Variants in MARCHF10 observed in about 807,000 individuals in gnomAD.
The protein encoded by MARCHF10 is probable E3 ubiquitin-protein ligase MARCHF10.
Under a neutral mutation model 76.2 loss-of-function variants are expected in MARCHF10, and 64 were observed. That is an observed-to-expected ratio of 0.84 (90% CI 0.69 to 1.03). The LOEUF (loss-of-function observed/expected upper bound fraction) is 1.03. MARCHF10 is among the 50% of genes least tolerant of loss of function. The pLI, the probability that MARCHF10 is intolerant of heterozygous loss-of-function variation, is 0.00. For missense variants in MARCHF10, 875 were observed against 958.0 expected, an observed-to-expected ratio of 0.91 and a Z score of 1.14; for synonymous variants, 340 against 357.5, an observed-to-expected ratio of 0.95 and a Z score of 0.55.
At chr17:62,798,934 T>C (rs1203385960) in intron 2 of MARCHF10, among the ~76,000 whole-genome samples, 1 of 152,092 alleles carries the variant, frequency 6.6e-6, no homozygotes, top group Non-Finnish European at 1.5e-5. Flanking sequence ...CTCCAAGATG[T>C]GGGGACTAGA....
chr17:62,799,585 T>G (rs899064178), intron 2 of MARCHF10, among the ~76,000 whole-genome samples: 7 of 152,026 alleles, frequency 4.6e-5, no homozygotes, highest in Admixed American at 6.6e-5. Context: ...CCGTCTCTAC[T>G]AAAAATACAA....
At chr17:62,757,261 G>C (rs906762258) in intron 4 of MARCHF10, among the ~76,000 whole-genome samples, 2 of 152,132 alleles carry the variant, frequency 1.3e-5, no homozygotes, top group East Asian at 3.9e-4. Context: ...AGAATCTCAG[G>C]TCTGACATGG....
chr17:62,749,382 GC>G (rs2091819900), intron 4 of MARCHF10, among the ~76,000 whole-genome samples: 1 of 152,056 alleles, frequency 6.6e-6, no homozygotes, highest in Non-Finnish European at 1.5e-5. Context: ...CCCTTATCCC[GC>G]CCCACATTAC....
intron 3 of MARCHF10, among the ~76,000 whole-genome samples, chr17:62,761,990 G>T (rs2092216007): frequency 6.6e-6 from 1 of 152,142 alleles, no homozygotes; most frequent in African/African-American, 2.4e-5. Flanking sequence ...CAGCAGAAAG[G>T]CAGGAAAAAT....
At position 62,711,434 on chromosome 17, in the gene MARCHF10, C is replaced by A; in HGVS notation, c.2215-90G>T. 1 of 1,247,946 alleles carries A rather than the reference C, an allele frequency of 8.0e-7. No individual in the cohort carries two copies. Among genetic ancestry groups the A allele is most frequent in the Non-Finnish European group, 1.1e-6 (1 of 874,042 alleles). 77.3% of individuals were successfully genotyped at this position (1,247,946 alleles called of 1,614,324 possible). A position where few individuals can be genotyped will look rare whatever the true frequency, so the allele number is the denominator to read the frequency against. On this transcript the variant is annotated intron_variant, in intron 8 of 10. Coordinates refer to ENST00000311269, the MANE Select transcript of MARCHF10 (RefSeq NM_152598.4). This position sits in a 1 kb window ranked among gnomAD's most constrained non-coding sequence, Gnocchi z 4.4. ...GCAGGGTAACAAGGCTAAGAGGTGA[C>A]AAGAACTGGGAGAAGAGCCCAAGCT...
intron 3 of MARCHF10, among the ~76,000 whole-genome samples, chr17:62,775,219 G>A (rs74623116): frequency 1.3e-5 from 2 of 148,968 alleles, no homozygotes; most frequent in Non-Finnish European, 3.0e-5. Flanking sequence ...TCTGCCTCTC[G>A]GGTTCAGGCA....
At chr17:62,787,507 T>A (rs951300069) in intron 3 of MARCHF10, among the ~76,000 whole-genome samples, 3 of 152,234 alleles carry the variant, frequency 2.0e-5, no homozygotes, top group Non-Finnish European at 4.4e-5. Context: ...TTCACCATGC[T>A]AACAGTCAGT....
At chr17:62,703,604 G>A (rs1568082922) in intron 10 of MARCHF10, among the ~76,000 whole-genome samples, 2 of 152,380 alleles carry the variant, frequency 1.3e-5, no homozygotes, top group East Asian at 1.9e-4. Flanking sequence ...GGCCTCCAGG[G>A]GAGAACTGGC....
intron 6 of MARCHF10, among the ~76,000 whole-genome samples, chr17:62,732,984 C>A (rs1178270884): frequency 1.8e-5 from 2 of 111,624 alleles, no homozygotes; most frequent in East Asian, 2.6e-4. Context: ...TAGAGCAAGA[C>A]TCAGTCTCAA....
rs1239936168 is a variant in MARCHF10 at position 62,701,674 on chromosome 17, TCCG to T, written c.*26_*28del. 1 of 1,613,626 alleles carries T rather than the reference TCCG, an allele frequency of 6.2e-7. No homozygotes were observed. The highest frequency in any genetic ancestry group is 1.3e-5 in the African/African-American group (1 of 74,898). ...GAAAGAAGGGCTGGCGGGAGAGGTC[TCCG>T]CCGAGCTCCACAGTTGGCTTCCTTG... On this transcript the variant is annotated 3_prime_UTR_variant, in exon 11 of 11. Coordinates refer to ENST00000311269, the MANE Select transcript of MARCHF10 (RefSeq NM_152598.4).
chr17:62,775,373 A>G (rs2148035054), intron 3 of MARCHF10, among the ~76,000 whole-genome samples: 2 of 152,110 alleles, frequency 1.3e-5, no homozygotes, highest in African/African-American at 4.8e-5. Flanking sequence ...TGATCAGCCC[A>G]CCTGGGCCTC....
intron 8 of MARCHF10, among the ~76,000 whole-genome samples, chr17:62,718,152 GGT>G (rs1186364500): frequency 6.6e-6 from 1 of 152,168 alleles, no homozygotes; most frequent in African/African-American, 2.4e-5. Flanking sequence ...AGACCTGTGA[GGT>G]GTGAGTTAAC....
chr17:62,737,432 A>G, intron 5 of MARCHF10, 100 bp from the exon 6 acceptor site: 2 of 1,082,184 alleles, frequency 1.8e-6, no homozygotes, highest in Non-Finnish European at 2.7e-6. Flanking sequence ...TGCAACAGAC[A>G]AGACCTAGAG....
rs779977285 is a variant in MARCHF10 at position 62,737,383 on chromosome 17, G to A, written c.536-51C>T. On this transcript the variant is annotated intron_variant, in intron 5 of 10. Coordinates refer to ENST00000311269, the MANE Select transcript of MARCHF10 (RefSeq NM_152598.4). ...CGTTCCAGTAAAAGGGCCCATGGAT[G>A]AAAGGCCTCTAGCACCAAGTGCAAA... The A allele has an allele frequency of 5.8e-6, 9 of 1,554,106 alleles. No homozygotes were observed. In the South Asian group the frequency reaches 8.3e-5, roughly 14 times the overall value.
At chr17:62,720,777 A>G (rs1568108901) in intron 8 of MARCHF10, among the ~76,000 whole-genome samples, 2 of 151,750 alleles carry the variant, frequency 1.3e-5, no homozygotes, top group African/African-American at 2.4e-5. Flanking sequence ...CCAGCAGTTC[A>G]TTAATTACAG....
chr17:62,771,845 G>T (rs2092454568), intron 3 of MARCHF10, among the ~76,000 whole-genome samples: 1 of 152,136 alleles, frequency 6.6e-6, no homozygotes, highest in African/African-American at 2.4e-5. Flanking sequence ...CCAAAGTGCT[G>T]GGATTACAGG....
intron 6 of MARCHF10, among the ~76,000 whole-genome samples, chr17:62,729,123 T>G (rs896791224): frequency 1.6e-4 from 25 of 151,910 alleles, no homozygotes; most frequent in Non-Finnish European, 3.5e-4. Flanking sequence ...ATTTTTTTTT[T>G]GTAGAGACGG....
Position 62,776,435 on chromosome 17 carries a change from A to G in MARCHF10, c.210+12045T>C, listed in dbSNP as rs147958010. ...GAAAAAGGCAGGACAACTTTCTGGAAGCATCTGCAATTCAAACGGACGGTT... is the reference window on the plus strand; with the variant it reads ...GAAAAAGGCAGGACAACTTTCTGGAGGCATCTGCAATTCAAACGGACGGTT... On this transcript the variant is annotated intron_variant, in intron 3 of 10. Coordinates refer to ENST00000311269, the MANE Select transcript of MARCHF10 (RefSeq NM_152598.4). Among the ~76,000 whole-genome samples, 233 of 152,342 alleles carry G rather than the reference A, an allele frequency of 1.5e-3. 2 individuals carry two copies. Among genetic ancestry groups the G allele is most frequent in the African/African-American group, 5.4e-3 (224 of 41,580 alleles).
At chr17:62,773,795 G>A (rs2092493064) in intron 3 of MARCHF10, among the ~76,000 whole-genome samples, 1 of 152,160 alleles carries the variant, frequency 6.6e-6, no homozygotes, top group Non-Finnish European at 1.5e-5. Context: ...GGTTTGAGGA[G>A]GAAGACAGCG....
Sources: gnomAD v4.1 joint callset for allele counts (sites outside exome capture counted in the v4.1 genomes callset) on GRCh38, gnomAD v4.1.1 for gene constraint, Gnocchi (gnomAD v3.1) non-coding constraint, MANE v1.5 for transcripts, NCBI Gene and HGNC (gene_info 2026-07-23, HGNC 2026-07-21) for gene names.